Variants in PCDHGB6 observed in about 807,000 individuals in gnomAD.
PCDHGB6 encodes protocadherin gamma-B6.
PCDHGB6 carries 51 observed loss-of-function variants against 59.1 expected under a neutral mutation model. The ratio of observed to expected loss-of-function variants is 0.86; its 90% CI spans 0.69 to 1.09. The LOEUF (loss-of-function observed/expected upper bound fraction) is 1.09. Ranked by LOEUF, PCDHGB6 falls within the 50% of genes least tolerant of loss-of-function variation. PCDHGB6 has a pLI of 0.00. For synonymous variants in PCDHGB6, 466 were observed against 495.1 expected, an observed-to-expected ratio of 0.94 and a Z score of 0.78; for missense variants, 1,148 against 1,205.1, an observed-to-expected ratio of 0.95 and a Z score of 0.70.
At chr5:141,419,620 G>C in intron 1 of PCDHGB6, 1 of 1,612,304 alleles carries the variant, frequency 6.2e-7, no homozygotes, top group Non-Finnish European at 8.5e-7. Context: ...CAGGCTACCT[G>C]GTGACCAAGG....
At chr5:141,417,888 G>T (rs1406210540) in intron 1 of PCDHGB6, 1 of 1,566,768 alleles carries the variant, frequency 6.4e-7, no homozygotes, top group Middle Eastern at 1.7e-4. Context: ...CAGAGGCGCC[G>T]GGCCGGCCCG....
chr5:141,511,202 C>T lies in PCDHGB6; in HGVS notation c.*29C>T, dbSNP rs201024828. 2.0e-3 allele frequency: 3,296 copies of T among 1,612,132 alleles called. 7 individuals carry two copies. Among genetic ancestry groups the T allele is most frequent in the Middle Eastern group, 0.013 (77 of 6,006 alleles). On this transcript the variant is annotated 3_prime_UTR_variant, in exon 4 of 4. Coordinates refer to ENST00000520790, the MANE Select transcript of PCDHGB6 (RefSeq NM_018926.3). ...GGAGGCCAGGCCAAGAGCCACAGGG[C>T]GGCCTCTCCCCAACCAGCCCAGCTT...
intron 1 of PCDHGB6, among the ~76,000 whole-genome samples, chr5:141,455,425 A>G (rs2098822334): frequency 1.3e-5 from 2 of 152,168 alleles, no homozygotes; most frequent in African/African-American, 2.4e-5. Flanking sequence ...CGGGGCTCCA[A>G]AAGAGGAGGT....
chr5:141,447,481 A>G lies in PCDHGB6; in HGVS notation c.2418+36861A>G, dbSNP rs141192758. 3.9e-3 allele frequency among the ~76,000 whole-genome samples: 591 copies of G among 152,326 alleles called. 6 individuals carry two copies. The highest frequency in any genetic ancestry group is 0.011 in the Admixed American group (170 of 15,286). ...TTTTCTTCACCATCTGTAAAACTGC[A>G]TAGAAGGAATGTTTAGGATAAAAGA... On this transcript the variant is annotated intron_variant, in intron 1 of 3. Transcript: ENST00000520790.
At chr5:141,497,827 C>T (rs1390986916) in intron 2 of PCDHGB6, among the ~76,000 whole-genome samples, 3 of 152,188 alleles carry the variant, frequency 2.0e-5, no homozygotes, top group East Asian at 3.9e-4. Flanking sequence ...GGTGTGATCG[C>T]CCCCGGCCAC....
intron 1 of PCDHGB6, chr5:141,471,533 G>C (rs921328911): frequency 1.3e-5 from 2 of 152,234 alleles, no homozygotes. Context: ...AGGAAGCTAT[G>C]ATAGCATTTA....
At chr5:141,438,249 A>G (rs1166079222) in intron 1 of PCDHGB6, among the ~76,000 whole-genome samples, 2 of 152,168 alleles carry the variant, frequency 1.3e-5, no homozygotes, top group Non-Finnish European at 2.9e-5. Context: ...AAAAACTGTC[A>G]TTGAAGAGAC....
intron 1 of PCDHGB6, among the ~76,000 whole-genome samples, chr5:141,429,387 T>TAA (rs11410533): frequency 2.6e-5 from 4 of 151,334 alleles, no homozygotes; most frequent in African/African-American, 4.9e-5. Flanking sequence ...GTTTTTTTTT[T>TAA]AAAAAAAATT....
At chr5:141,418,418 G>C (rs1366605966) in intron 1 of PCDHGB6, 1 of 1,613,998 alleles carries the variant, frequency 6.2e-7, no homozygotes, top group East Asian at 2.2e-5. Flanking sequence ...AGACAATCCT[G>C]ATGGTGGCAA....
chr5:141,445,564 G>A (rs564704836), intron 1 of PCDHGB6, among the ~76,000 whole-genome samples: 20 of 152,306 alleles, frequency 1.3e-4, no homozygotes, highest in Admixed American at 1.2e-3. Context: ...CTAAGAGAAA[G>A]CTTATAGTAG....
chr5:141,435,906 A>C (rs1246100275), intron 1 of PCDHGB6, among the ~76,000 whole-genome samples: 1 of 152,182 alleles, frequency 6.6e-6, no homozygotes, highest in African/African-American at 2.4e-5. Context: ...AAAGACATCC[A>C]AGGGCTCTAA....
rs760095389 is a variant in PCDHGB6, at chr5:141,486,731, A to G, written c.2419-8076A>G. On this transcript the variant is annotated intron_variant, in intron 1 of 3. Transcript: ENST00000520790. The surrounding 1 kb of genome is among the most constrained non-coding windows in gnomAD (Gnocchi z 5.0). ...CCCCCAGACAGGAGCTGTTCATGCT[A>G]CTCGATCCTTTGACTATGAGCAAAC... The G allele has an allele frequency of 6.2e-7, 1 of 1,614,060 alleles. No individual in the cohort carries two copies. Among genetic ancestry groups the G allele is most frequent in the Non-Finnish European group, 8.5e-7 (1 of 1,180,012 alleles).
Position 141,485,098 on chromosome 5 carries a change from A to G in PCDHGB6, c.2419-9709A>G, listed in dbSNP as rs2099606903. ...CGGGGAAAGGGAGATAGGTGTCTCCAGCTGCTGTGGCTGTTTGGGGCGGGT... is the reference window on the plus strand; with the variant it reads ...CGGGGAAAGGGAGATAGGTGTCTCCGGCTGCTGTGGCTGTTTGGGGCGGGT... On this transcript the variant is annotated intron_variant, in intron 1 of 3. Transcript: ENST00000520790. This position sits in a 1 kb window ranked among gnomAD's most constrained non-coding sequence, Gnocchi z 5.7. 8.8e-7 allele frequency: 1 copy of G among 1,134,792 alleles called. No individual in the cohort carries two copies. Among genetic ancestry groups the G allele is most frequent in the South Asian group, 1.4e-5 (1 of 71,796 alleles). The allele number at this position is 1,134,792 out of a possible 1,614,324, so 70.3% of individuals were successfully genotyped here. A position where few individuals can be genotyped will look rare whatever the true frequency, so the allele number is the denominator to read the frequency against.
chr5:141,500,148 G>T (rs936567158), intron 2 of PCDHGB6, among the ~76,000 whole-genome samples: 6 of 150,990 alleles, frequency 4.0e-5, no homozygotes, highest in African/African-American at 1.5e-4. Flanking sequence ...ACTTTTCTTT[G>T]TGTAATCAAA....
At chr5:141,419,227 C>G in intron 1 of PCDHGB6, 1 of 1,614,024 alleles carries the variant, frequency 6.2e-7, no homozygotes, top group South Asian at 1.1e-5. Flanking sequence ...GACAGTCAGC[C>G]TACCTGGTCC....
chr5:141,493,983 A>G lies in PCDHGB6; in HGVS notation c.2419-824A>G, dbSNP rs2099751203. Among the ~76,000 whole-genome samples the G allele has an allele frequency of 6.6e-6, 1 of 152,194 alleles. No homozygotes were observed. The highest frequency in any genetic ancestry group is 6.5e-5 in the Admixed American group (1 of 15,278). ...TGGCTGGCCAGAGCCCCACACCTTC[A>G]GCTAGGTGGGAGATGGCTACACATC... On this transcript the variant is annotated intron_variant, in intron 1 of 3. Coordinates refer to ENST00000520790, the MANE Select transcript of PCDHGB6 (RefSeq NM_018926.3). The surrounding 1 kb of genome is among the most constrained non-coding windows in gnomAD (Gnocchi z 4.3).
chr5:141,481,880 C>CTCCA (rs1483509373), intron 1 of PCDHGB6, among the ~76,000 whole-genome samples: 1 of 145,300 alleles, frequency 6.9e-6, no homozygotes, highest in Non-Finnish European at 1.5e-5. Context: ...CGCCACTGCA[C>CTCCA]TCCAGCCTGG....
chr5:141,414,642 C>A (rs547014431), intron 1 of PCDHGB6: 1 of 1,613,962 alleles, frequency 6.2e-7, no homozygotes, highest in Admixed American at 1.7e-5. Context: ...AAGAGAATGC[C>A]CAGATTATTT....
At chr5:141,410,665 G>C (rs372651223) in intron 1 of PCDHGB6, 45 bp downstream of exon 1, 9 of 1,569,394 alleles carry the variant, frequency 5.7e-6, no homozygotes, top group Non-Finnish European at 7.7e-6. Flanking sequence ...TAGTCTACTA[G>C]TTTCTCATAT....
Sources: gnomAD v4.1 joint callset for allele counts (sites outside exome capture counted in the v4.1 genomes callset) on GRCh38, gnomAD v4.1.1 for gene constraint, Gnocchi (gnomAD v3.1) non-coding constraint, MANE v1.5 for transcripts, NCBI Gene and HGNC (gene_info 2026-07-23, HGNC 2026-07-21) for gene names.